Variants in SH3GL3 observed in about 807,000 individuals in gnomAD.
SH3GL3 encodes SH3 domain containing GRB2 like 3, endophilin A3.
In SH3GL3, 33 loss-of-function variants were observed where a neutral mutation model predicts 47.7. That is an observed-to-expected ratio of 0.69 (90% CI 0.52 to 0.92). SH3GL3 has a LOEUF of 0.92. Among genes scored for constraint, SH3GL3 ranks in the 40% least tolerant of loss-of-function variants. SH3GL3 has a pLI of 0.00. For synonymous variants in SH3GL3, 155 were observed against 148.8 expected (o/e 1.04, Z -0.30); for missense variants, 363 against 417.8 (o/e 0.87, Z 1.14).
chr15:83,450,439 A>G (rs943652699), intron 1 of SH3GL3, among the ~76,000 whole-genome samples: 4 of 152,138 alleles, frequency 2.6e-5, no homozygotes, highest in African/African-American at 7.2e-5. Flanking sequence ...AAACTGAGAT[A>G]GTTTTCTGAA....
At chr15:83,513,679 C>G (rs1361259898) in intron 1 of SH3GL3, among the ~76,000 whole-genome samples, 1 of 152,164 alleles carries the variant, frequency 6.6e-6, no homozygotes, top group Non-Finnish European at 1.5e-5. Context: ...GTCTCTCCCA[C>G]TAAATCATGA....
At chr15:83,542,665 T>A (rs1326754260) in intron 1 of SH3GL3, among the ~76,000 whole-genome samples, 1 of 152,204 alleles carries the variant, frequency 6.6e-6, no homozygotes, top group African/African-American at 2.4e-5. Flanking sequence ...TTTATCGTTT[T>A]CATTGTAGAG....
intron 8 of SH3GL3, among the ~76,000 whole-genome samples, chr15:83,609,938 C>T (rs1001854997): frequency 2.0e-5 from 3 of 152,176 alleles, no homozygotes; most frequent in African/African-American, 4.8e-5. Context: ...GTGTCTAATC[C>T]ACCACCTGGA....
At chr15:83,499,146 T>TA (rs1323560561) in intron 1 of SH3GL3, among the ~76,000 whole-genome samples, 1 of 152,154 alleles carries the variant, frequency 6.6e-6, no homozygotes, top group Non-Finnish European at 1.5e-5. Flanking sequence ...GTTTTATACA[T>TA]ATCTTGCCTC....
chr15:83,541,191 T>G (rs558392804), intron 1 of SH3GL3, among the ~76,000 whole-genome samples: 1 of 152,266 alleles, frequency 6.6e-6, no homozygotes, highest in African/African-American at 2.4e-5. Flanking sequence ...CTTAGATTGA[T>G]TCCAAATCTT....
intron 1 of SH3GL3, among the ~76,000 whole-genome samples, chr15:83,541,578 C>G (rs546721262): frequency 1.3e-5 from 2 of 152,092 alleles, no homozygotes; most frequent in East Asian, 3.9e-4. Context: ...GGTTGTACAT[C>G]CTTACCAAGG....
chr15:83,625,844 GT>G, the SH3GL3 span, among the ~76,000 whole-genome samples: 1,671 of 151,780 alleles, frequency 0.011, 33 homozygotes, highest in African/African-American at 0.038. Flanking sequence ...TTGTTTGTTT[GT>G]TTTTTGAGAT....
intron 1 of SH3GL3, among the ~76,000 whole-genome samples, chr15:83,475,723 G>T (rs1428246706): frequency 6.6e-6 from 1 of 152,140 alleles, no homozygotes; most frequent in Non-Finnish European, 1.5e-5. Flanking sequence ...GTGAATGAAT[G>T]CTTGCATTCT....
At chr15:83,468,201 G>A (rs892272870) in intron 1 of SH3GL3, among the ~76,000 whole-genome samples, 9 of 152,252 alleles carry the variant, frequency 5.9e-5, no homozygotes, top group African/African-American at 1.2e-4. Flanking sequence ...GTTTTTGTAC[G>A]TTTATCTTGT....
chr15:83,519,404 C>T (rs114009695), intron 1 of SH3GL3, among the ~76,000 whole-genome samples: 1,743 of 152,150 alleles, frequency 0.011, 35 homozygotes, highest in African/African-American at 0.039. Context: ...TAGATGCATT[C>T]GTAGGTAATT....
At chr15:83,490,619 A>G in intron 1 of SH3GL3, 1 of 617,814 alleles carries the variant, frequency 1.6e-6, no homozygotes, top group Non-Finnish European at 2.6e-6. Context: ...AACCTAGTTC[A>G]GCCTGGCACA....
chr15:83,567,613 TC>T (rs1164949456), intron 3 of SH3GL3, among the ~76,000 whole-genome samples: 1 of 152,124 alleles, frequency 6.6e-6, no homozygotes, highest in African/African-American at 2.4e-5. Context: ...GGGTGGTCTG[TC>T]CCCTCCTATG....
chr15:83,546,796 T>G lies in SH3GL3; in HGVS notation c.46-12457T>G, dbSNP rs577050513. The stretch of plus-strand genomic sequence containing the variant: ...ATTCTGTGACACTGGGTCCTTTCCT[T>G]CAGGGTAGAGTTCTTTTCTGGACCA... On this transcript the variant is annotated intron_variant, in intron 1 of 8. Coordinates refer to ENST00000427482, the MANE Select transcript of SH3GL3 (RefSeq NM_003027.5). 9.9e-5 allele frequency among the ~76,000 whole-genome samples: 15 copies of G among 152,278 alleles called. No homozygotes were observed. The East Asian group carries it at 2.9e-3, about 29-fold the overall frequency.
At chr15:83,573,519 C>T (rs1366396483) in intron 5 of SH3GL3, among the ~76,000 whole-genome samples, 1 of 152,222 alleles carries the variant, frequency 6.6e-6, no homozygotes, top group East Asian at 1.9e-4. Context: ...TTTATAAAGT[C>T]CTCCAGGTGA....
chr15:83,607,592 G>A (rs1296549961), intron 8 of SH3GL3, among the ~76,000 whole-genome samples: 1 of 152,132 alleles, frequency 6.6e-6, no homozygotes, highest in Admixed American at 6.5e-5. Context: ...TCTACGGCAA[G>A]CGCCCCTTGC....
chr15:83,475,748 G>GC (rs1567250831), intron 1 of SH3GL3, among the ~76,000 whole-genome samples: 2 of 152,270 alleles, frequency 1.3e-5, no homozygotes, highest in African/African-American at 4.8e-5. Flanking sequence ...TCATGACTTC[G>GC]CACTTACAGC....
Position 83,572,333 on chromosome 15 carries a change from G to C in SH3GL3, c.332-232G>C, listed in dbSNP as rs531324365. On this transcript the variant is annotated intron_variant, in intron 4 of 8. Transcript: ENST00000427482. Reference sequence around the variant, plus strand: ...AAATGGTAAGTACTTCGGTCTGCTAGCCTCAGTTGTATTTTCTGTAGTGGT... The same window carrying C: ...AAATGGTAAGTACTTCGGTCTGCTACCCTCAGTTGTATTTTCTGTAGTGGT... Among the ~76,000 whole-genome samples the C allele has an allele frequency of 4.6e-5, 7 of 152,274 alleles. No homozygotes were observed. In the East Asian group the frequency reaches 9.6e-4, roughly 21 times the overall value.
At position 83,568,779 on chromosome 15, in the gene SH3GL3, C is replaced by T. The variant is rs1018642048; in HGVS notation, c.331+107C>T. ...CAACCTTTGTTATTTTTCCATATTACCAAAGTAATACATGTTAATTGCAGG... is the reference window on the plus strand; with the variant it reads ...CAACCTTTGTTATTTTTCCATATTATCAAAGTAATACATGTTAATTGCAGG... On this transcript the variant is annotated intron_variant, in intron 4 of 8. Transcript: ENST00000427482. The T allele has an allele frequency of 1.7e-5, 13 of 743,628 alleles. No individual in the cohort carries two copies. In the African/African-American group the frequency reaches 2.3e-4, roughly 13 times the overall value. The allele number at this position is 743,628 out of a possible 1,614,324, so 46.1% of individuals were successfully genotyped here.
At chr15:83,535,637 A>G (rs2043870087) in intron 1 of SH3GL3, among the ~76,000 whole-genome samples, 1 of 152,224 alleles carries the variant, frequency 6.6e-6, no homozygotes, top group Non-Finnish European at 1.5e-5. Context: ...AGCAGCCTTC[A>G]TGATTAATTC....
Sources: gnomAD v4.1 joint callset for allele counts (sites outside exome capture counted in the v4.1 genomes callset) on GRCh38, gnomAD v4.1.1 for gene constraint, MANE v1.5 for transcripts, NCBI Gene and HGNC (gene_info 2026-07-23, HGNC 2026-07-21) for gene names.